CDKAL1: variants seen among roughly 807,000 people sequenced by gnomAD.
CDKAL1 encodes the protein CDKAL1 threonylcarbamoyladenosine tRNA methylthiotransferase.
In CDKAL1, 32 loss-of-function variants were observed where a neutral mutation model predicts 68.2. The ratio of observed to expected loss-of-function variants is 0.47; its 90% CI spans 0.35 to 0.63. The LOEUF is 0.63. Among genes scored for constraint, CDKAL1 ranks in the 30% least tolerant of loss-of-function variants. The pLI, the probability that CDKAL1 is intolerant of heterozygous loss-of-function variation, is 0.00. For synonymous variants in CDKAL1, 234 were observed against 244.3 expected (o/e 0.96, Z 0.39); for missense variants, 606 against 696.7 (o/e 0.87, Z 1.47).
intron 8 of CDKAL1, among the ~76,000 whole-genome samples, chr6:20,810,664 GTA>G (rs1491086064): frequency 5.0e-5 from 5 of 99,530 alleles, no homozygotes; most frequent in Admixed American, 2.0e-4. Context: ...GTGTGTGTGT[GTA>G]ATATATTGCT....
intron 9 of CDKAL1, among the ~76,000 whole-genome samples, chr6:20,911,579 T>C (rs1003997211): frequency 1.3e-5 from 2 of 152,252 alleles, no homozygotes; most frequent in Non-Finnish European, 2.9e-5. Context: ...TTCACATTAT[T>C]ACAGACATTC....
intron 13 of CDKAL1, among the ~76,000 whole-genome samples, chr6:21,169,921 A>ACCCCCCCCCC (rs57265201): frequency 3.1e-5 from 4 of 127,756 alleles, no homozygotes; most frequent in Admixed American, 8.3e-5. Context: ...TACGGGAAAG[A>ACCCCCCCCCC]CCCCCCCCAC....
intron 15 of CDKAL1, among the ~76,000 whole-genome samples, chr6:21,229,309 T>A (rs1779867524): frequency 6.6e-6 from 1 of 152,194 alleles, no homozygotes; most frequent in Non-Finnish European, 1.5e-5. Context: ...CTATTGATTC[T>A]ACATCAAAAG....
chr6:20,594,984 T>A (rs1433615460), intron 4 of CDKAL1, among the ~76,000 whole-genome samples: 3 of 152,226 alleles, frequency 2.0e-5, no homozygotes, highest in Non-Finnish European at 4.4e-5. Flanking sequence ...TCTTTAAGAA[T>A]GTTGAATATT....
chr6:20,925,906 T>C (rs1240998749), intron 9 of CDKAL1, among the ~76,000 whole-genome samples: 2 of 152,074 alleles, frequency 1.3e-5, no homozygotes, highest in South Asian at 2.1e-4. Flanking sequence ...TTAATCCTCA[T>C]TATCTAGACT....
intron 5 of CDKAL1, among the ~76,000 whole-genome samples, chr6:20,702,710 C>A (rs1428280620): frequency 1.3e-5 from 2 of 152,130 alleles, no homozygotes; most frequent in African/African-American, 4.8e-5. Flanking sequence ...TGTGTGTTGG[C>A]CTGCTAGGGT....
At chr6:20,762,966 A>G (rs1273280836) in intron 7 of CDKAL1, among the ~76,000 whole-genome samples, 1 of 152,220 alleles carries the variant, frequency 6.6e-6, no homozygotes, top group Non-Finnish European at 1.5e-5. Flanking sequence ...GCTCCAGCCA[A>G]CTGTGCTGCT....
chr6:21,111,664 G>A (rs1348505682), intron 13 of CDKAL1, among the ~76,000 whole-genome samples: 1 of 152,188 alleles, frequency 6.6e-6, no homozygotes, highest in Admixed American at 6.5e-5. Context: ...AAAGCTAGGA[G>A]CAAAATGTGT....
At chr6:20,848,530 T>C (rs936472250) in intron 9 of CDKAL1, among the ~76,000 whole-genome samples, 3 of 152,166 alleles carry the variant, frequency 2.0e-5, no homozygotes, top group Admixed American at 2.0e-4. Flanking sequence ...TTGGACTAGT[T>C]AAGGCGAGTG....
Position 20,836,867 on chromosome 6 carries a change from G to A in CDKAL1, c.639-9208G>A, listed in dbSNP as rs115993917. Among the ~76,000 whole-genome samples the A allele has an allele frequency of 2.4e-3, 367 of 152,208 alleles. 2 individuals are homozygous for A. The highest frequency in any genetic ancestry group is 7.6e-3 in the African/African-American group (314 of 41,540). ...CTAAACCACTGTGCAGCTGAGGTCC[G>A]CGTGGGAAAGGTTTCTTCTCATGGA... On this transcript the variant is annotated intron_variant, in intron 8 of 15. Transcript: ENST00000274695.
At chr6:20,583,190 C>T (rs1765206345) in intron 4 of CDKAL1, among the ~76,000 whole-genome samples, 1 of 152,080 alleles carries the variant, frequency 6.6e-6, no homozygotes, top group Admixed American at 6.5e-5. Flanking sequence ...TTCTATTCAC[C>T]ACTGCATACT....
At chr6:20,692,178 A>G (rs951223033) in intron 5 of CDKAL1, among the ~76,000 whole-genome samples, 1 of 152,208 alleles carries the variant, frequency 6.6e-6, no homozygotes, top group Non-Finnish European at 1.5e-5. Context: ...AATAGAGTAC[A>G]TATGAAGGGC....
intron 12 of CDKAL1, among the ~76,000 whole-genome samples, chr6:21,075,597 A>G (rs949729990): frequency 1.3e-5 from 2 of 152,194 alleles, no homozygotes; most frequent in Non-Finnish European, 2.9e-5. Context: ...ACTATAATAT[A>G]TAAGCGATTT....
intron 9 of CDKAL1, among the ~76,000 whole-genome samples, chr6:20,875,163 G>C (rs1760438127): frequency 6.6e-6 from 1 of 151,634 alleles, no homozygotes; most frequent in Non-Finnish European, 1.5e-5. Flanking sequence ...GCCGGGCGCG[G>C]TGGCAGGCGC....
At chr6:21,098,019 C>A (rs1210410163) in intron 12 of CDKAL1, among the ~76,000 whole-genome samples, 1 of 152,206 alleles carries the variant, frequency 6.6e-6, no homozygotes, top group Non-Finnish European at 1.5e-5. Context: ...GTAATTATTT[C>A]TTCCCACTAG....
intron 8 of CDKAL1, among the ~76,000 whole-genome samples, chr6:20,810,518 G>T (rs1275387012): frequency 4.0e-5 from 6 of 151,376 alleles, no homozygotes; most frequent in African/African-American, 1.5e-4. Context: ...GATCGCTTGA[G>T]CCCAGGAGTT....
chr6:21,011,436 A>G (rs1441739669), intron 11 of CDKAL1, among the ~76,000 whole-genome samples: 1 of 152,218 alleles, frequency 6.6e-6, no homozygotes, highest in Non-Finnish European at 1.5e-5. Context: ...TAAGATCAAA[A>G]TGTCCCTGTG....
chr6:20,750,074 T>C (rs1252915713), intron 6 of CDKAL1, among the ~76,000 whole-genome samples: 1 of 152,150 alleles, frequency 6.6e-6, no homozygotes, highest in African/African-American at 2.4e-5. Flanking sequence ...TTGCAGTTTC[T>C]TTCCCCTAAT....
At chr6:20,701,786 C>G (rs1771374686) in intron 5 of CDKAL1, among the ~76,000 whole-genome samples, 2 of 152,158 alleles carry the variant, frequency 1.3e-5, no homozygotes, top group South Asian at 4.1e-4. Flanking sequence ...TGAATGTTTA[C>G]TAGATCTTTA....
Sources: allele counts gnomAD v4.1 joint callset (sites outside exome capture counted in the v4.1 genomes callset), GRCh38; gene constraint gnomAD v4.1.1; transcripts MANE v1.5; gene names NCBI Gene and HGNC (gene_info 2026-07-23, HGNC 2026-07-21).